CDH13: variants seen among roughly 807,000 people sequenced by gnomAD.
CDH13 encodes cadherin-13.
In CDH13, 24 loss-of-function variants were observed where a neutral mutation model predicts 63.8. The observed-to-expected ratio is 0.38, with a 90% CI of 0.27 to 0.53. The LOEUF (loss-of-function observed/expected upper bound fraction) is 0.53. Among genes scored for constraint, CDH13 ranks in the 20% least tolerant of loss-of-function variants. CDH13 has a pLI of 0.85. For missense variants in CDH13, 1,049 were observed against 903.1 expected, an observed-to-expected ratio of 1.16 and a Z score of -2.07; for synonymous variants, 503 against 355.3, an observed-to-expected ratio of 1.42 and a Z score of -4.67.
chr16:83,533,254 G>T (rs1487810729), intron 7 of CDH13, among the ~76,000 whole-genome samples: 1 of 152,190 alleles, frequency 6.6e-6, no homozygotes, highest in Non-Finnish European at 1.5e-5. Context: ...CTTTTCATTG[G>T]TGTGTATTGC....
intron 1 of CDH13, among the ~76,000 whole-genome samples, chr16:82,661,087 C>T (rs1253130960): frequency 6.6e-6 from 1 of 152,096 alleles, no homozygotes; most frequent in Non-Finnish European, 1.5e-5. Flanking sequence ...TGATGGTGGC[C>T]CAGGGGCCGG....
At chr16:83,014,743 A>AAAATATATAT (rs1429094653) in intron 2 of CDH13, among the ~76,000 whole-genome samples, 1 of 33,232 alleles carries the variant, frequency 3.0e-5, no homozygotes, top group Non-Finnish European at 5.4e-5. Flanking sequence ...AAAAAAAAAA[A>AAAATATATAT]ATATATATAT....
At chr16:83,379,938 T>TATGTAGAG in intron 6 of CDH13, among the ~76,000 whole-genome samples, 1 of 123,448 alleles carries the variant, frequency 8.1e-6, no homozygotes, top group African/African-American at 3.3e-5. Context: ...TATATATATA[T>TATGTAGAG]AGAGAGAGAG....
At chr16:83,124,995 A>G (rs1448868274) in intron 3 of CDH13, among the ~76,000 whole-genome samples, 1 of 152,220 alleles carries the variant, frequency 6.6e-6, no homozygotes, top group East Asian at 1.9e-4. Flanking sequence ...TTGTTATAAA[A>G]CCAATTCTTT....
intron 10 of CDH13, among the ~76,000 whole-genome samples, chr16:83,713,407 A>C (rs1272854186): frequency 3.3e-5 from 5 of 151,978 alleles, no homozygotes; most frequent in Non-Finnish European, 7.4e-5. Flanking sequence ...TGTAATGAGC[A>C]TTGCATTCTT....
intron 1 of CDH13, among the ~76,000 whole-genome samples, chr16:82,638,299 A>T (rs956756920): frequency 1.3e-5 from 2 of 152,186 alleles, no homozygotes; most frequent in Non-Finnish European, 2.9e-5. Context: ...CTGCTTAGGG[A>T]CTGCTGAGCA....
At chr16:83,677,444 G>A (rs537056962) in intron 9 of CDH13, among the ~76,000 whole-genome samples, 15 of 152,218 alleles carry the variant, frequency 9.9e-5, no homozygotes, top group East Asian at 5.8e-4. Context: ...GCTGTCCCCC[G>A]CCCGGCAAAT....
intron 6 of CDH13, 135 bp from the exon 7 acceptor site, chr16:83,486,342 G>A (rs1018610499): frequency 1.6e-6 from 1 of 617,864 alleles, no homozygotes; most frequent in African/African-American, 1.8e-5. Flanking sequence ...AGCAAAGCTT[G>A]GGAAATACTT....
intron 1 of CDH13, among the ~76,000 whole-genome samples, chr16:82,846,823 T>C (rs1018789263): frequency 2.0e-5 from 3 of 152,214 alleles, no homozygotes; most frequent in Admixed American, 1.3e-4. Flanking sequence ...ATGAACCTGA[T>C]GATGCTGTCA....
chr16:83,279,510 C>G (rs967103159), intron 5 of CDH13, among the ~76,000 whole-genome samples: 1 of 152,176 alleles, frequency 6.6e-6, no homozygotes, highest in Non-Finnish European at 1.5e-5. Flanking sequence ...CTGCCGCATT[C>G]TGGAAACCGC....
intron 1 of CDH13, among the ~76,000 whole-genome samples, chr16:82,700,951 A>ACCACCCCCCC (rs1567641690): frequency 2.9e-4 from 4 of 13,806 alleles, no homozygotes; most frequent in Non-Finnish European, 8.2e-4. Context: ...AAGTGCTGGA[A>ACCACCCCCCC]CCCGCCCCCC....
chr16:83,794,733 AC>A (rs1308753463), intron 13 of CDH13, among the ~76,000 whole-genome samples: 1 of 152,148 alleles, frequency 6.6e-6, no homozygotes, highest in Non-Finnish European at 1.5e-5. Flanking sequence ...GTGCTGAGAG[AC>A]AAAGACATAA....
At chr16:83,314,099 A>G (rs529231590) in intron 5 of CDH13, among the ~76,000 whole-genome samples, 17 of 152,312 alleles carry the variant, frequency 1.1e-4, no homozygotes, top group Non-Finnish European at 1.8e-4. Flanking sequence ...GTTGTCTAGC[A>G]TTGCTCTAAT....
chr16:82,855,875 T>G (rs996110416), intron 1 of CDH13, among the ~76,000 whole-genome samples: 1 of 152,204 alleles, frequency 6.6e-6, no homozygotes, highest in East Asian at 1.9e-4. Flanking sequence ...GGCTGGTATT[T>G]AGAGAGAAGC....
intron 1 of CDH13, among the ~76,000 whole-genome samples, chr16:82,634,074 G>A (rs1177964236): frequency 1.3e-5 from 2 of 152,234 alleles, no homozygotes; most frequent in African/African-American, 4.8e-5. Context: ...CCGATCTGCT[G>A]CAGAGGCACA....
intron 10 of CDH13, among the ~76,000 whole-genome samples, chr16:83,691,323 G>A (rs532432594): frequency 1.1e-4 from 16 of 152,226 alleles, no homozygotes; most frequent in East Asian, 7.8e-4. Flanking sequence ...ATCAGGGGGC[G>A]TTTGTGCTAC....
chr16:83,414,325 C>A (rs12919362), intron 6 of CDH13, among the ~76,000 whole-genome samples: 2 of 152,000 alleles, frequency 1.3e-5, no homozygotes, highest in African/African-American at 4.8e-5. Context: ...GCAATTTAAT[C>A]TTTTAAAGTA....
intron 3 of CDH13, among the ~76,000 whole-genome samples, chr16:83,094,825 T>C (rs1334234671): frequency 6.6e-6 from 1 of 152,236 alleles, no homozygotes; most frequent in Non-Finnish European, 1.5e-5. Flanking sequence ...TTTTTTCCTC[T>C]ATGGTTATAG....
At chr16:83,572,935 C>G (rs1904777221) in intron 7 of CDH13, among the ~76,000 whole-genome samples, 1 of 152,198 alleles carries the variant, frequency 6.6e-6, no homozygotes, top group South Asian at 2.1e-4. Flanking sequence ...TTAAGTTTCA[C>G]ACATAAAGGA....
Sources: gnomAD v4.1 joint callset for allele counts (sites outside exome capture counted in the v4.1 genomes callset) on GRCh38, gnomAD v4.1.1 for gene constraint, MANE v1.5 for transcripts, NCBI Gene and HGNC (gene_info 2026-07-23, HGNC 2026-07-21) for gene names.